The following KIF5C variants were observed in gnomAD, a reference collection of about 807,000 sequenced individuals.
The protein encoded by KIF5C is kinesin heavy chain isoform 5C.
KIF5C carries 18 observed loss-of-function variants against 125.2 expected under a neutral mutation model. The observed-to-expected ratio is 0.14, with a 90% CI of 0.10 to 0.21. KIF5C has a LOEUF of 0.21. KIF5C is among the 10% of genes least tolerant of loss of function. The pLI, the probability that KIF5C is intolerant of heterozygous loss-of-function variation, is 1.00. For missense variants in KIF5C, 780 were observed against 1,183.8 expected (o/e 0.66, Z 5.01); for synonymous variants, 405 against 434.0 (o/e 0.93, Z 0.83).
rs1029585356 is a variant in KIF5C, at chr2:149,024,798, T to G, written c.*1728T>G. The stretch of plus-strand genomic sequence containing the variant: ...TTAAATTTTTTTCATTCTTTAATTT[T>G]GTTATCAGTGCCAGCCCAATATACC... On this transcript the variant is annotated 3_prime_UTR_variant, in exon 26 of 26. Coordinates refer to ENST00000435030, the MANE Select transcript of KIF5C (RefSeq NM_004522.3). 4 of 152,586 alleles carry G rather than the reference T, an allele frequency of 2.6e-5. No individual in the cohort carries two copies. The highest frequency in any genetic ancestry group is 9.7e-5 in the African/African-American group (4 of 41,434). 9.5% of individuals were successfully genotyped at this position (152,586 alleles called of 1,614,324 possible).
chr2:148,890,138 T>G (rs771563677), intron 1 of KIF5C, among the ~76,000 whole-genome samples: 5 of 152,216 alleles, frequency 3.3e-5, no homozygotes, highest in Admixed American at 6.5e-5. Context: ...TTACCTATAC[T>G]GCTGTTATAC....
chr2:148,984,813 C>T (rs1057444124), intron 15 of KIF5C, among the ~76,000 whole-genome samples: 1 of 152,008 alleles, frequency 6.6e-6, no homozygotes, highest in Admixed American at 6.6e-5. Context: ...TATTTTGAGA[C>T]AAACTTTTGC....
At chr2:148,949,724 T>C in intron 8 of KIF5C, 115 bp from the exon 9 acceptor site, 1 of 1,408,298 alleles carries the variant, frequency 7.1e-7, no homozygotes. Flanking sequence ...TCTCTACTTT[T>C]ATTTTTCCTT....
At chr2:149,002,278 T>G (rs1191540794) in intron 21 of KIF5C, among the ~76,000 whole-genome samples, 2 of 152,206 alleles carry the variant, frequency 1.3e-5, no homozygotes, top group Non-Finnish European at 2.9e-5. Flanking sequence ...TCTCAGGCAC[T>G]CTCACCCTAC....
intron 10 of KIF5C, among the ~76,000 whole-genome samples, chr2:148,951,040 T>A (rs1343561878): frequency 6.6e-6 from 1 of 152,202 alleles, no homozygotes. Context: ...AGATGTGAAT[T>A]GGAAATGCAT....
At chr2:148,900,271 C>T (rs1462406840) in intron 1 of KIF5C, among the ~76,000 whole-genome samples, 2 of 152,156 alleles carry the variant, frequency 1.3e-5, no homozygotes, top group Non-Finnish European at 2.9e-5. Context: ...AAACACATAT[C>T]ATTGTGGACA....
rs759741049 is a variant in KIF5C, at chr2:148,973,473, G to A, written c.1255G>A (p.Glu419Lys). The part of the protein sequence containing the change: ...ISTEEKEKYD[E>K]EISSLYRQLD... The stretch of plus-strand genomic sequence containing the variant: ...TACAGAGGAGAAAGAGAAGTACGAT[G>A]AGGAGATCTCCAGTCTCTACAGACA... Residue 419 changes from glutamate to lysine, a missense_variant, in exon 12 of 26, where the codon GAG (glutamate) becomes AAG (lysine). Around this residue, in one of 2 missense-constraint regions of KIF5C, gnomAD observed 573 missense variants for 742.6 expected, o/e 0.77. Coordinates refer to ENST00000435030, the MANE Select transcript of KIF5C (RefSeq NM_004522.3). The A allele has an allele frequency of 1.2e-6, 2 of 1,613,028 alleles. No homozygotes were observed. Among genetic ancestry groups the A allele is most frequent in the Non-Finnish European group, 1.7e-6 (2 of 1,179,546 alleles).
intron 25 of KIF5C, among the ~76,000 whole-genome samples, chr2:149,021,826 C>G (rs1283148664): frequency 6.6e-6 from 1 of 151,860 alleles, no homozygotes; most frequent in African/African-American, 2.4e-5. Context: ...GGCTCTACCT[C>G]CCTCTTGTCA....
At chr2:148,917,326 G>A (rs1574738029) in intron 1 of KIF5C, among the ~76,000 whole-genome samples, 1 of 152,114 alleles carries the variant, frequency 6.6e-6, no homozygotes, top group African/African-American at 2.4e-5. Flanking sequence ...CTTAGCATGT[G>A]TTATTGCGGA....
rs545854327 is a variant in KIF5C, at chr2:148,892,635, A to G, written c.126+16892A>G. ...CATAGAATGCAGTGCCATTCCTCTC[A>G]GGGTGTGGTGCATTTACTTGGAAAC... is the stretch of plus-strand genomic sequence containing the variant. On this transcript the variant is annotated intron_variant, in intron 1 of 25. Coordinates refer to ENST00000435030, the MANE Select transcript of KIF5C (RefSeq NM_004522.3). Among the ~76,000 whole-genome samples, 22 of 152,322 alleles carry G rather than the reference A, an allele frequency of 1.4e-4. 1 individual carries two copies. The South Asian group carries it at 4.4e-3, about 30-fold the overall frequency.
At chr2:148,957,241 C>T (rs761989625) in intron 10 of KIF5C, among the ~76,000 whole-genome samples, 2 of 152,228 alleles carry the variant, frequency 1.3e-5, no homozygotes, top group Non-Finnish European at 2.9e-5. Context: ...GCCTCACGCC[C>T]TAGATCCAAA....
At chr2:148,969,422 A>T (rs368636104) in intron 11 of KIF5C, among the ~76,000 whole-genome samples, 18 of 141,374 alleles carry the variant, frequency 1.3e-4, no homozygotes, top group African/African-American at 4.5e-4. Context: ...GAAGGTTTCC[A>T]GTGTGTGTGT....
chr2:149,011,563 G>C lies in KIF5C; in HGVS notation c.2768-7G>C. On this transcript the variant is annotated splice_polypyrimidine_tract_variant and splice_region_variant and intron_variant, in intron 24 of 25. Coordinates refer to ENST00000435030, the MANE Select transcript of KIF5C (RefSeq NM_004522.3). Reference sequence around the variant, plus strand: ...TGTTCTCTCTTCTTTCTGTTGGTTGGATACAGCCAAGCCCATCCGCCCCGG... The same window carrying C: ...TGTTCTCTCTTCTTTCTGTTGGTTGCATACAGCCAAGCCCATCCGCCCCGG... The C allele has an allele frequency of 6.2e-7, 1 of 1,613,922 alleles. No individual in the cohort carries two copies. Among genetic ancestry groups the C allele is most frequent in the Admixed American group, 1.7e-5 (1 of 60,012 alleles).
At chr2:148,939,539 G>A (rs1682362887) in intron 4 of KIF5C, among the ~76,000 whole-genome samples, 1 of 152,204 alleles carries the variant, frequency 6.6e-6, no homozygotes, top group Non-Finnish European at 1.5e-5. Context: ...ATAGGGTCTT[G>A]TGTTAGAATC....
At chr2:148,943,932 T>C (rs1267187569) in intron 7 of KIF5C, among the ~76,000 whole-genome samples, 1 of 152,200 alleles carries the variant, frequency 6.6e-6, no homozygotes, top group East Asian at 1.9e-4. Context: ...TCCACTTCTT[T>C]TTCTCTTGCT....
intron 3 of KIF5C, among the ~76,000 whole-genome samples, chr2:148,933,628 C>G (rs1682223703): frequency 6.6e-6 from 1 of 150,540 alleles, no homozygotes; most frequent in Non-Finnish European, 1.5e-5. Context: ...TACCATACAC[C>G]ACTACCACAC....
intron 25 of KIF5C, among the ~76,000 whole-genome samples, chr2:149,018,536 A>C (rs1429834823): frequency 6.6e-6 from 1 of 152,172 alleles, no homozygotes; most frequent in Non-Finnish European, 1.5e-5. Flanking sequence ...TCCTCTTAAA[A>C]AGGATCAATA....
At chr2:148,893,089 A>T (rs950176179) in intron 1 of KIF5C, among the ~76,000 whole-genome samples, 1 of 152,218 alleles carries the variant, frequency 6.6e-6, no homozygotes, top group Admixed American at 6.5e-5. Flanking sequence ...CGTTTTTAGT[A>T]GATATTTATT....
Position 149,000,513 on chromosome 2 carries a change from G to A in KIF5C, c.2301G>A (p.Leu767=), listed in dbSNP as rs1013229448. The change falls in exon 20 of 26, where the codon CTG becomes CTA. Residue 767 remains leucine (L), a synonymous_variant. Coordinates refer to ENST00000435030, the MANE Select transcript of KIF5C (RefSeq NM_004522.3). ...KIEDQEREMK[L]EKLLLLNDKR... ...AGGACCAAGAGAGAGAAATGAAGCT[G>A]GAAAAGCTCTTGTGAGTGCACTCTA... 3 of 1,564,304 alleles carry A rather than the reference G, an allele frequency of 1.9e-6. No homozygotes were observed. The highest frequency in any genetic ancestry group is 1.8e-5 in the Admixed American group (1 of 55,570).
Sources: allele counts gnomAD v4.1 joint callset (sites outside exome capture counted in the v4.1 genomes callset), GRCh38; gene constraint gnomAD v4.1.1; regional missense constraint gnomAD v4.1.1; transcripts MANE v1.5; gene names NCBI Gene and HGNC (gene_info 2026-07-23, HGNC 2026-07-21).